Variants in CNTN6 observed in about 807,000 individuals in gnomAD.
The protein encoded by CNTN6 is contactin 6.
In CNTN6, 137 loss-of-function variants were observed where a neutral mutation model predicts 122.8. The ratio of observed to expected loss-of-function variants is 1.12; its 90% CI spans 0.97 to 1.29. The LOEUF (loss-of-function observed/expected upper bound fraction) is 1.29, where lower values mean the gene tolerates loss of function less well. Among genes scored for constraint, CNTN6 ranks in the 50% most tolerant of loss-of-function variants. The pLI, the probability that CNTN6 is intolerant of heterozygous loss-of-function variation, is 0.00. For synonymous variants in CNTN6, 570 were observed against 426.0 expected (o/e 1.34, Z -4.16); for missense variants, 1,634 against 1,223.4 (o/e 1.34, Z -5.01).
Position 1,220,731 on chromosome 3 carries a change from G to T in CNTN6, c.100G>T (p.Asp34Tyr). The T allele has an allele frequency of 6.2e-7, 1 of 1,613,188 alleles. No individual in the cohort carries two copies. The highest frequency in any genetic ancestry group is 8.5e-7 in the Non-Finnish European group (1 of 1,179,570). ...SRPIFTQEPHDVIFPLDLSKS... is the reference protein window; with the variant it reads ...SRPIFTQEPHYVIFPLDLSKS... ...TCCTATTTTTACTCAGGAGCCACAT[G>T]ATGTCATTTTTCCTTTGGATTTATC... Residue 34 changes from aspartate to tyrosine, a missense_variant, in exon 3 of 23, where the codon GAT becomes TAT. By Grantham distance (160) the Asp-to-Tyr change is radical. Coordinates refer to ENST00000446702, the MANE Select transcript of CNTN6 (RefSeq NM_001289080.2).
intron 4 of CNTN6, among the ~76,000 whole-genome samples, chr3:1,236,098 T>C (rs960190962): frequency 1.3e-5 from 2 of 151,996 alleles, no homozygotes; most frequent in Admixed American, 6.5e-5. Flanking sequence ...ACACACCTTA[T>C]CCCTATCCCA....
At chr3:1,262,289 A>T (rs1301571704) in intron 4 of CNTN6, among the ~76,000 whole-genome samples, 1 of 152,130 alleles carries the variant, frequency 6.6e-6, no homozygotes, top group East Asian at 1.9e-4. Flanking sequence ...CTGAGATGTT[A>T]TGGGGGCATG....
At chr3:1,321,048 G>A (rs1700773639) in intron 7 of CNTN6, among the ~76,000 whole-genome samples, 1 of 151,292 alleles carries the variant, frequency 6.6e-6, no homozygotes, top group Non-Finnish European at 1.5e-5. Flanking sequence ...GAGGATCATA[G>A]AGCCTATTTA....
At chr3:1,349,542 T>C (rs534706244) in intron 11 of CNTN6, among the ~76,000 whole-genome samples, 15 of 152,030 alleles carry the variant, frequency 9.9e-5, no homozygotes, top group African/African-American at 3.4e-4. Context: ...TCAGTCTCTC[T>C]CTATGAATGT....
chr3:1,274,686 A>G (rs1471329386), intron 4 of CNTN6, among the ~76,000 whole-genome samples: 1 of 152,116 alleles, frequency 6.6e-6, no homozygotes, highest in Admixed American at 6.5e-5. Flanking sequence ...CTACCTCCAA[A>G]AATTTTACTG....
intron 4 of CNTN6, among the ~76,000 whole-genome samples, chr3:1,267,493 C>G (rs2094944814): frequency 6.6e-6 from 1 of 152,046 alleles, no homozygotes; most frequent in South Asian, 2.1e-4. Flanking sequence ...TTAAGAGGTC[C>G]CCGGCTCCTG....
chr3:1,402,801 G>C (rs1486343870), intron 22 of CNTN6: 1 of 227,970 alleles, frequency 4.4e-6, no homozygotes, highest in Non-Finnish European at 8.6e-6. Flanking sequence ...GATTCTTTCG[G>C]GTCTTTTACA....
rs544766587 is a variant in CNTN6, at chr3:1,132,482, T to A, written c.-82-15445T>A. Among the ~76,000 whole-genome samples the A allele has an allele frequency of 6.6e-5, 10 of 152,008 alleles. 2 individuals are homozygous for A. The South Asian group carries it at 2.1e-3, about 32-fold the overall frequency. ...GTTGAAGCCTGTGATCCCAGCTCTT[T>A]GAGAAGCTGAGGCAGGAGGATCATT... On this transcript the variant is annotated intron_variant, in intron 1 of 22. Transcript: ENST00000446702.
At chr3:1,319,536 G>C (rs1229928690) in intron 7 of CNTN6, among the ~76,000 whole-genome samples, 1 of 151,488 alleles carries the variant, frequency 6.6e-6, no homozygotes. Flanking sequence ...GTTAAAAAAT[G>C]ACTTCTGTCT....
chr3:1,251,476 C>T (rs2094668177), intron 4 of CNTN6, among the ~76,000 whole-genome samples: 1 of 152,172 alleles, frequency 6.6e-6, no homozygotes, highest in South Asian at 2.1e-4. Context: ...ACTTTTAACT[C>T]ACTTGCTCAT....
intron 11 of CNTN6, among the ~76,000 whole-genome samples, chr3:1,332,768 G>A (rs1387328088): frequency 1.3e-5 from 2 of 152,018 alleles, no homozygotes; most frequent in Non-Finnish European, 2.9e-5. Context: ...AAAGTCAAAT[G>A]GTTTCTTCAA....
chr3:1,312,766 G>A (rs1410195714), intron 7 of CNTN6, among the ~76,000 whole-genome samples: 1 of 150,830 alleles, frequency 6.6e-6, no homozygotes, highest in East Asian at 2.0e-4. Flanking sequence ...AAAGCATGGT[G>A]ATTTAGAGCT....
At chr3:1,318,681 G>C (rs1371102821) in intron 7 of CNTN6, among the ~76,000 whole-genome samples, 1 of 151,788 alleles carries the variant, frequency 6.6e-6, no homozygotes, top group African/African-American at 2.4e-5. Context: ...AGAGAATACA[G>C]GTCATACCTA....
intron 11 of CNTN6, among the ~76,000 whole-genome samples, chr3:1,332,781 C>T (rs1702505496): frequency 6.6e-6 from 1 of 152,050 alleles, no homozygotes. Flanking sequence ...TTCTTCAAGC[C>T]TGTTCAGGCC....
intron 16 of CNTN6, among the ~76,000 whole-genome samples, chr3:1,376,578 T>C (rs925947814): frequency 6.6e-6 from 1 of 152,120 alleles, no homozygotes; most frequent in African/African-American, 2.4e-5. Context: ...TAAAATATCC[T>C]GATGACTAAT....
rs564149869 is a variant in CNTN6 at position 1,291,602 on chromosome 3, A to G, written c.455-3999A>G. 2.2e-4 allele frequency among the ~76,000 whole-genome samples: 33 copies of G among 152,326 alleles called. No individual in the cohort carries two copies. The East Asian group carries it at 4.8e-3, about 22-fold the overall frequency. On this transcript the variant is annotated intron_variant, in intron 5 of 22. Transcript: ENST00000446702. ...GCTCAAGATTGTCTTTGTTTCACAA[A>G]AAGGTTCAAAAGATGAGGAGTCAAT...
intron 4 of CNTN6, among the ~76,000 whole-genome samples, chr3:1,247,785 T>C (rs77726486): frequency 0.046 from 6,948 of 152,232 alleles, 204 homozygotes; most frequent in East Asian, 0.082. Flanking sequence ...TAGCTTCCTA[T>C]AGCATATCTC....
At chr3:1,245,314 A>ATATAT (rs2094565927) in intron 4 of CNTN6, among the ~76,000 whole-genome samples, 1 of 22,458 alleles carries the variant, frequency 4.5e-5, no homozygotes, top group African/African-American at 1.3e-4. Context: ...ATATATATAT[A>ATATAT]TATATATATA....
chr3:1,251,959 GACTA>G (rs1395958234), intron 4 of CNTN6, among the ~76,000 whole-genome samples: 1 of 152,090 alleles, frequency 6.6e-6, no homozygotes, highest in Non-Finnish European at 1.5e-5. Flanking sequence ...CTGGCACTCT[GACTA>G]ACTAGATGTG....
Sources: gnomAD v4.1 joint callset for allele counts (sites outside exome capture counted in the v4.1 genomes callset) on GRCh38, gnomAD v4.1.1 for gene constraint, MANE v1.5 for transcripts, NCBI Gene and HGNC (gene_info 2026-07-23, HGNC 2026-07-21) for gene names.